Variants in PDSS2 observed in about 807,000 individuals in gnomAD.
The protein encoded by PDSS2 is decaprenyl diphosphate synthase subunit 2, also known as all trans-polyprenyl-diphosphate synthase PDSS2.
PDSS2 carries 31 observed loss-of-function variants against 44.5 expected under a neutral mutation model. The ratio of observed to expected loss-of-function variants is 0.70; its 90% CI spans 0.52 to 0.94. PDSS2 has a LOEUF of 0.94. PDSS2 is among the 40% of genes least tolerant of loss of function. PDSS2 has a pLI of 0.00. For synonymous variants in PDSS2, 157 were observed against 180.3 expected (o/e 0.87, Z 1.03); for missense variants, 452 against 482.2 (o/e 0.94, Z 0.59).
chr6:107,438,350 A>C (rs1781417445), intron 1 of PDSS2, among the ~76,000 whole-genome samples: 1 of 152,106 alleles, frequency 6.6e-6, no homozygotes, highest in Non-Finnish European at 1.5e-5. Context: ...CTGGAATTAC[A>C]AGCATGCACC....
At chr6:107,327,602 G>A (rs867502106) in intron 2 of PDSS2, among the ~76,000 whole-genome samples, 8 of 152,022 alleles carry the variant, frequency 5.3e-5, no homozygotes, top group East Asian at 1.9e-4. Context: ...GATTACAGGC[G>A]CCCACCATCA....
intron 1 of PDSS2, among the ~76,000 whole-genome samples, chr6:107,353,561 G>GTAAT (rs1388230627): frequency 1.3e-5 from 2 of 152,098 alleles, no homozygotes; most frequent in East Asian, 3.9e-4. Flanking sequence ...CAGATCTCAT[G>GTAAT]TAATTATATG....
intron 1 of PDSS2, among the ~76,000 whole-genome samples, chr6:107,427,456 C>T (rs866624438): frequency 6.6e-6 from 1 of 152,174 alleles, no homozygotes; most frequent in Non-Finnish European, 1.5e-5. Context: ...AAAATCTGCA[C>T]TCATGATTTG....
chr6:107,186,812 C>T (rs12192370), intron 7 of PDSS2, among the ~76,000 whole-genome samples: 36,537 of 152,132 alleles, frequency 0.24, 5,115 homozygotes, highest in East Asian at 0.53. Flanking sequence ...TGGCTGCACA[C>T]TTTCTTGATA....
chr6:107,162,220 G>A (rs922051052), intron 7 of PDSS2, among the ~76,000 whole-genome samples: 4 of 152,044 alleles, frequency 2.6e-5, no homozygotes, highest in South Asian at 2.1e-4. Context: ...ATTCCCGGCC[G>A]GGCGCAGTGG....
At chr6:107,342,310 T>C (rs1250300020) in intron 1 of PDSS2, among the ~76,000 whole-genome samples, 3 of 152,198 alleles carry the variant, frequency 2.0e-5, no homozygotes, top group African/African-American at 7.2e-5. Flanking sequence ...CTCATTTCTC[T>C]TCCTGTTATC....
chr6:107,456,524 T>C (rs1782049644), intron 1 of PDSS2, among the ~76,000 whole-genome samples: 1 of 152,128 alleles, frequency 6.6e-6, no homozygotes, highest in South Asian at 2.1e-4. Flanking sequence ...AAATGAAACA[T>C]TATTATTTAG....
intron 1 of PDSS2, among the ~76,000 whole-genome samples, chr6:107,413,780 G>A (rs578181043): frequency 1.3e-5 from 2 of 152,160 alleles, no homozygotes; most frequent in Non-Finnish European, 2.9e-5. Flanking sequence ...AAAGAACATG[G>A]TACTTTTTTT....
At chr6:107,371,361 A>C (rs1779124670) in intron 1 of PDSS2, among the ~76,000 whole-genome samples, 2 of 152,186 alleles carry the variant, frequency 1.3e-5, no homozygotes, top group Admixed American at 1.3e-4. Context: ...GTATGGGAAA[A>C]GGAAATTGAA....
chr6:107,318,117 G>A (rs1777258938), intron 2 of PDSS2, among the ~76,000 whole-genome samples: 2 of 152,062 alleles, frequency 1.3e-5, no homozygotes, highest in Admixed American at 6.6e-5. Flanking sequence ...TATATATAAA[G>A]TGCCTGGTAA....
intron 1 of PDSS2, among the ~76,000 whole-genome samples, chr6:107,435,040 G>A (rs990722269): frequency 6.6e-6 from 1 of 151,966 alleles, no homozygotes; most frequent in Non-Finnish European, 1.5e-5. Flanking sequence ...ACTATGAGAG[G>A]CCAAGGCAGG....
At chr6:107,239,634 CTTTTTTT>C (rs1177940710) in intron 4 of PDSS2, among the ~76,000 whole-genome samples, 10 of 76,926 alleles carry the variant, frequency 1.3e-4, no homozygotes, top group Non-Finnish European at 1.6e-4. Flanking sequence ...TGTACTCTAC[CTTTTTTT>C]TTTTTTTTTT....
chr6:107,454,127 A>G (rs1466022324), intron 1 of PDSS2, among the ~76,000 whole-genome samples: 1 of 149,606 alleles, frequency 6.7e-6, no homozygotes, highest in Non-Finnish European at 1.5e-5. Flanking sequence ...AGCTTACTGC[A>G]GCCTCGACCT....
At chr6:107,444,599 C>T (rs1476298999) in intron 1 of PDSS2, among the ~76,000 whole-genome samples, 1 of 152,148 alleles carries the variant, frequency 6.6e-6, no homozygotes, top group Non-Finnish European at 1.5e-5. Flanking sequence ...TCCTAGTCAT[C>T]CATGAAAAAG....
intron 3 of PDSS2, among the ~76,000 whole-genome samples, chr6:107,261,875 G>A (rs1683239246): frequency 6.8e-6 from 1 of 147,670 alleles, no homozygotes; most frequent in Admixed American, 6.8e-5. Flanking sequence ...CACCGTGCCT[G>A]GCCCGTCTCA....
chr6:107,195,546 T>C (rs1772527370), intron 6 of PDSS2, among the ~76,000 whole-genome samples: 2 of 150,838 alleles, frequency 1.3e-5, no homozygotes, highest in Admixed American at 6.7e-5. Context: ...TAAAAATTTT[T>C]CTGAAGATGA....
At chr6:107,222,508 T>C in intron 4 of PDSS2, among the ~76,000 whole-genome samples, 1 of 151,824 alleles carries the variant, frequency 6.6e-6, no homozygotes, top group East Asian at 1.9e-4. Flanking sequence ...TACAAAAAAT[T>C]AGCTGGGCGT....
chr6:107,161,036 C>G (rs532974941), intron 7 of PDSS2, among the ~76,000 whole-genome samples: 2 of 151,968 alleles, frequency 1.3e-5, no homozygotes, highest in Non-Finnish European at 2.9e-5. Context: ...CTGCGCATGG[C>G]CAATTTTTGT....
chr6:107,236,495 A>C (rs1363730553), intron 4 of PDSS2, among the ~76,000 whole-genome samples: 3 of 152,016 alleles, frequency 2.0e-5, no homozygotes, highest in Non-Finnish European at 2.9e-5. Context: ...GTTCATTACT[A>C]GCAGACCTGT....
Sources: allele counts gnomAD v4.1 joint callset (sites outside exome capture counted in the v4.1 genomes callset), GRCh38; gene constraint gnomAD v4.1.1; transcripts MANE v1.5; gene names NCBI Gene and HGNC (gene_info 2026-07-23, HGNC 2026-07-21).